The following XRN1 variants were observed in gnomAD, a reference collection of about 807,000 sequenced individuals.
XRN1 encodes the protein strand-exchange protein 1 homolog.
XRN1 carries 67 observed loss-of-function variants against 222.3 expected under a neutral mutation model. That is an observed-to-expected ratio of 0.30 (90% CI 0.25 to 0.37). The LOEUF (loss-of-function observed/expected upper bound fraction) is 0.37. XRN1 is among the 10% of genes least tolerant of loss of function. The pLI, the probability that XRN1 is intolerant of heterozygous loss-of-function variation, is 1.00. For synonymous variants in XRN1, 643 were observed against 652.4 expected (o/e 0.99, Z 0.22); for missense variants, 1,707 against 2,000.2 (o/e 0.85, Z 2.80).
chr3:142,420,795 C>T (rs1486893634), intron 10 of XRN1, among the ~76,000 whole-genome samples: 2 of 151,886 alleles, frequency 1.3e-5, no homozygotes, highest in Non-Finnish European at 2.9e-5. Flanking sequence ...ACACAATGTA[C>T]CTCTTCAACA....
At chr3:142,353,278 C>T (rs1353694841) in intron 32 of XRN1, among the ~76,000 whole-genome samples, 1 of 152,186 alleles carries the variant, frequency 6.6e-6, no homozygotes, top group Non-Finnish European at 1.5e-5. Context: ...ACTCTCGACT[C>T]ATTGGTCCAG....
At chr3:142,357,238 A>T in intron 30 of XRN1, 119 bp from the exon 31 acceptor site, 2 of 919,626 alleles carry the variant, frequency 2.2e-6, no homozygotes, top group East Asian at 2.7e-5. Context: ...TTACTTTTTA[A>T]TTCGGTAGAG....
At chr3:142,411,075 G>A (rs1243788118) in intron 15 of XRN1, among the ~76,000 whole-genome samples, 2 of 152,126 alleles carry the variant, frequency 1.3e-5, no homozygotes, top group Non-Finnish European at 2.9e-5. Flanking sequence ...TTGATAAGTT[G>A]TGATGAAATA....
intron 2 of XRN1, 49 bp downstream of exon 2, chr3:142,432,612 A>G (rs2069681168): frequency 7.0e-7 from 1 of 1,428,528 alleles, no homozygotes; most frequent in Non-Finnish European, 9.4e-7. Context: ...AAAATAACAT[A>G]TTTTTACTAA....
At chr3:142,325,631 TTGTTGA>T (rs2107893161) in intron 37 of XRN1, among the ~76,000 whole-genome samples, 1 of 152,242 alleles carries the variant, frequency 6.6e-6, no homozygotes, top group South Asian at 2.1e-4. Context: ...TCTTTTCACT[TTGTTGA>T]TTGTTTCCTT....
In XRN1 at chr3:142,426,796, C is replaced by T; in HGVS notation, c.354G>A (p.Lys118=). ...TGGCCTCTGTAGGAAGAGTTTCTCCCTTCTCTATTGCCTTTTTAATTTTGT... is the reference window on the plus strand; with the variant it reads ...TGGCCTCTGTAGGAAGAGTTTCTCCTTTCTCTATTGCCTTTTTAATTTTGT... The part of the protein sequence containing the change: ...AEDKIKKAIE[K]GETLPTEARF... The change falls in exon 3 of 41, where the codon AAG becomes AAA. Residue 118 remains lysine, a synonymous_variant. Coordinates refer to ENST00000392981, the MANE Select transcript of XRN1 (RefSeq NM_001282857.2). 1.9e-6 allele frequency: 3 copies of T among 1,613,752 alleles called. No individual in the cohort carries two copies. Among genetic ancestry groups the T allele is most frequent in the Non-Finnish European group, 2.5e-6 (3 of 1,179,936 alleles).
At chr3:142,445,137 G>A (rs1267664643) in intron 1 of XRN1, among the ~76,000 whole-genome samples, 2 of 151,496 alleles carry the variant, frequency 1.3e-5, no homozygotes, top group African/African-American at 2.4e-5. Flanking sequence ...TTCCACTGCC[G>A]ATTGTTTTCT....
intron 25 of XRN1, among the ~76,000 whole-genome samples, chr3:142,375,445 T>C (rs1164682052): frequency 6.6e-6 from 1 of 152,210 alleles, no homozygotes; most frequent in Non-Finnish European, 1.5e-5. Flanking sequence ...TACATAGTTC[T>C]AAGAATCAGA....
chr3:142,311,506 C>A lies in XRN1; in HGVS notation c.*5G>T. 6.4e-7 allele frequency: 1 copy of A among 1,569,178 alleles called. No homozygotes were observed. The highest frequency in any genetic ancestry group is 1.2e-5 in the South Asian group (1 of 83,602). ...AAGAAATTAACTTAATTCTAAGAGC[C>A]AAATTTACTCAGAAGGTTTAGAAAC... On this transcript the variant is annotated 3_prime_UTR_variant, in exon 41 of 41. Transcript: ENST00000392981.
At chr3:142,360,798 C>T (rs890319566) in intron 29 of XRN1, among the ~76,000 whole-genome samples, 5 of 141,492 alleles carry the variant, frequency 3.5e-5, no homozygotes, top group South Asian at 2.4e-4. Flanking sequence ...GGCATGAACT[C>T]GGGAGGTGGA....
At chr3:142,314,665 G>A (rs892030012) in intron 39 of XRN1, among the ~76,000 whole-genome samples, 2 of 151,986 alleles carry the variant, frequency 1.3e-5, no homozygotes, top group African/African-American at 2.4e-5. Flanking sequence ...GGCACTTTGG[G>A]ATGCCGAGGC....
chr3:142,323,979 CTG>C (rs906716113), intron 37 of XRN1, among the ~76,000 whole-genome samples: 2 of 151,638 alleles, frequency 1.3e-5, no homozygotes, highest in Admixed American at 1.3e-4. Flanking sequence ...ATCACAGTAA[CTG>C]AGATATCCAT....
rs191775238 is a variant in XRN1 at position 142,440,144 on chromosome 3, T to C, written c.76-7251A>G. Reference sequence around the variant, plus strand: ...AGGAGGTTAACTGTCTCCTGGACACTGGCACGGCCTTCTCAGTCTTACTCT... The same window carrying C: ...AGGAGGTTAACTGTCTCCTGGACACCGGCACGGCCTTCTCAGTCTTACTCT... On this transcript the variant is annotated intron_variant, in intron 1 of 40. Coordinates refer to ENST00000392981, the MANE Select transcript of XRN1 (RefSeq NM_001282857.2). Among the ~76,000 whole-genome samples, 471 of 152,256 alleles carry C rather than the reference T, an allele frequency of 3.1e-3. 1 individual carries two copies. Among genetic ancestry groups the C allele is most frequent in the African/African-American group, 0.011 (454 of 41,542 alleles).
At chr3:142,340,883 AT>A (rs1375572939) in intron 33 of XRN1, among the ~76,000 whole-genome samples, 1 of 152,222 alleles carries the variant, frequency 6.6e-6, no homozygotes, top group Non-Finnish European at 1.5e-5. Context: ...AAGCTGAGGA[AT>A]TTCATCAACA....
At chr3:142,389,883 AGAATGGATGTTGTGTTTGCATGCGT>A (rs2067652295) in intron 20 of XRN1, among the ~76,000 whole-genome samples, 3 of 152,230 alleles carry the variant, frequency 2.0e-5, no homozygotes, top group Admixed American at 6.5e-5. Context: ...CATGGGTTGC[AGAATGGATGTTGTGTTTGCATGCGT>A]GAATGGATGT....
chr3:142,376,099 A>T (rs572673025), intron 24 of XRN1, 155 bp from the exon 25 acceptor site: 2 of 1,298,958 alleles, frequency 1.5e-6, no homozygotes. Context: ...TATTATGGTT[A>T]TTTCCAAAGT....
chr3:142,315,486 A>G (rs1331611156), intron 39 of XRN1, among the ~76,000 whole-genome samples: 1 of 150,938 alleles, frequency 6.6e-6, no homozygotes, highest in East Asian at 1.9e-4. Context: ...CTACATATAC[A>G]TTGTACTAAA....
chr3:142,357,161 C>A (rs774574358), intron 30 of XRN1, 42 bp from the exon 31 acceptor site: 2 of 1,541,334 alleles, frequency 1.3e-6, no homozygotes, highest in Middle Eastern at 1.7e-4. Flanking sequence ...GAAAACAATA[C>A]TAAATGTGTT....
intron 20 of XRN1, among the ~76,000 whole-genome samples, chr3:142,392,292 T>A (rs1460001579): frequency 6.6e-6 from 1 of 151,730 alleles, no homozygotes; most frequent in Non-Finnish European, 1.5e-5. Context: ...TTATCTCCAA[T>A]AACCTCCTTC....
Sources: gnomAD v4.1 joint callset for allele counts (sites outside exome capture counted in the v4.1 genomes callset) on GRCh38, gnomAD v4.1.1 for gene constraint, MANE v1.5 for transcripts, NCBI Gene and HGNC (gene_info 2026-07-23, HGNC 2026-07-21) for gene names.